VPS13B: variants seen among roughly 807,000 people sequenced by gnomAD.
The protein encoded by VPS13B is intermembrane lipid transfer protein VPS13B.
Under a neutral mutation model 426.4 loss-of-function variants are expected in VPS13B, and 285 were observed. The observed-to-expected ratio is 0.67, with a 90% CI of 0.61 to 0.74. VPS13B has a LOEUF of 0.74. VPS13B is among the 30% of genes least tolerant of loss of function. The pLI is 0.00. For missense variants in VPS13B, 4,537 were observed against 4,782.6 expected, an observed-to-expected ratio of 0.95 and a Z score of 1.51; for synonymous variants, 1,676 against 1,676.4, an observed-to-expected ratio of 1.00 and a Z score of 0.01.
At chr8:99,070,633 A>G (rs913504270) in intron 3 of VPS13B, among the ~76,000 whole-genome samples, 1 of 152,090 alleles carries the variant, frequency 6.6e-6, no homozygotes, top group East Asian at 1.9e-4. Context: ...TATATTATCT[A>G]TAGGTTTCCT....
intron 43 of VPS13B, among the ~76,000 whole-genome samples, chr8:99,785,475 A>G (rs1363937756): frequency 6.6e-6 from 1 of 152,162 alleles, no homozygotes; most frequent in Non-Finnish European, 1.5e-5. Context: ...TCTTATTTAA[A>G]TATATTTAGT....
chr8:99,425,339 C>T lies in VPS13B; in HGVS notation c.3083-6198C>T, dbSNP rs985399788. On this transcript the variant is annotated intron_variant, in intron 21 of 61. Coordinates refer to ENST00000357162, the MANE Select transcript of VPS13B (RefSeq NM_152564.5). The stretch of plus-strand genomic sequence containing the variant: ...CAATAAAATACTGACAAACCAAATC[C>T]AGCAGCACATCACAAAGCTTATCCA... Among the ~76,000 whole-genome samples, 5 of 152,264 alleles carry T rather than the reference C, an allele frequency of 3.3e-5. No individual in the cohort carries two copies. The East Asian group carries it at 9.6e-4, about 29-fold the overall frequency.
rs573082414 is a variant in VPS13B, at chr8:99,825,845, GT to G, written c.9330+1872del. ...ATAGAGAATCCTTTCCTCATTGCTT[GT>G]TTTTGTCAGGTTTGTCAAAGATCAG... On this transcript the variant is annotated intron_variant, in intron 51 of 61. Transcript: ENST00000357162. 2.1e-3 allele frequency among the ~76,000 whole-genome samples: 325 copies of G among 152,238 alleles called. 2 individuals carry two copies. Among genetic ancestry groups the G allele is most frequent in the African/African-American group, 7.5e-3 (310 of 41,544 alleles).
intron 30 of VPS13B, among the ~76,000 whole-genome samples, chr8:99,551,884 T>C (rs112782918): frequency 1.5e-3 from 221 of 152,126 alleles, no homozygotes; most frequent in African/African-American, 5.0e-3. Flanking sequence ...TGGGATACTT[T>C]GGGCTGCCTG....
chr8:99,464,626 A>T (rs1276349053), intron 23 of VPS13B, among the ~76,000 whole-genome samples: 1 of 152,160 alleles, frequency 6.6e-6, no homozygotes, highest in African/African-American at 2.4e-5. Context: ...GCAACATGTG[A>T]TACAATATAA....
At chr8:99,020,620 T>C (rs575480116) in intron 2 of VPS13B, among the ~76,000 whole-genome samples, 2 of 152,228 alleles carry the variant, frequency 1.3e-5, no homozygotes, top group African/African-American at 4.8e-5. Context: ...TCTTACATAG[T>C]ATAAGGTAGT....
At chr8:99,437,445 C>T (rs574951832) in intron 22 of VPS13B, among the ~76,000 whole-genome samples, 3 of 151,308 alleles carry the variant, frequency 2.0e-5, no homozygotes, top group Non-Finnish European at 2.9e-5. Context: ...GGGCCAGGCA[C>T]GGTGGCTCAC....
Position 99,309,665 on chromosome 8 carries a change from G to A in VPS13B, c.2824+34411G>A, listed in dbSNP as rs182228437. Among the ~76,000 whole-genome samples the A allele has an allele frequency of 2.8e-4, 43 of 152,240 alleles. 1 individual carries two copies. The highest frequency in any genetic ancestry group is 2.7e-3 in the Admixed American group (41 of 15,292). On this transcript the variant is annotated intron_variant, in intron 19 of 61. Coordinates refer to ENST00000357162, the MANE Select transcript of VPS13B (RefSeq NM_152564.5). ...GCCAAGGACCGTCTTGGCAATGCGG[G>A]CCCTTTTTTGGTACCATATGAACTT... is the stretch of plus-strand genomic sequence containing the variant.
intron 19 of VPS13B, among the ~76,000 whole-genome samples, chr8:99,325,836 G>GTATC (rs1810229281): frequency 6.6e-6 from 1 of 151,984 alleles, no homozygotes; most frequent in African/African-American, 2.4e-5. Context: ...TTATCCCTTT[G>GTATC]TATCTACATT....
chr8:99,343,076 G>C (rs1206075787), intron 19 of VPS13B, among the ~76,000 whole-genome samples: 2 of 151,362 alleles, frequency 1.3e-5, no homozygotes, highest in Non-Finnish European at 2.9e-5. Flanking sequence ...AAATGTTCAG[G>C]TTTATTGCCC....
intron 17 of VPS13B, among the ~76,000 whole-genome samples, chr8:99,252,372 A>T (rs905176101): frequency 6.6e-6 from 1 of 151,996 alleles, no homozygotes; most frequent in Non-Finnish European, 1.5e-5. Context: ...ACTATTTTTT[A>T]AAAAATTGAT....
chr8:99,541,028 A>G (rs745552791), intron 30 of VPS13B, among the ~76,000 whole-genome samples: 28 of 152,118 alleles, frequency 1.8e-4, no homozygotes, highest in Non-Finnish European at 4.0e-4. Context: ...ACTTTTTTAT[A>G]TGTTGCCTCA....
chr8:99,532,061 A>C lies in VPS13B; in HGVS notation c.4745+11051A>C, dbSNP rs139438802. On this transcript the variant is annotated intron_variant, in intron 30 of 61. Transcript: ENST00000357162. ...AAAGTTTTTTTTAACTTTCATCTTT[A>C]ACTTGAGAGAAGTATATTCTTCTTG... 2.2e-3 allele frequency among the ~76,000 whole-genome samples: 339 copies of C among 152,204 alleles called. 5 individuals are homozygous for C. Among genetic ancestry groups the C allele is most frequent in the Admixed American group, 0.018 (271 of 15,288 alleles).
At chr8:99,451,706 GT>G (rs1415592593) in intron 23 of VPS13B, among the ~76,000 whole-genome samples, 1 of 152,100 alleles carries the variant, frequency 6.6e-6, no homozygotes, top group Admixed American at 6.5e-5. Flanking sequence ...CTGGAACCCT[GT>G]ATGGAACTCT....
At chr8:99,812,837 C>T (rs994902223) in intron 44 of VPS13B, among the ~76,000 whole-genome samples, 4 of 152,142 alleles carry the variant, frequency 2.6e-5, no homozygotes, top group African/African-American at 7.2e-5. Flanking sequence ...TTCAATATCA[C>T]TATTCTTCTT....
intron 19 of VPS13B, among the ~76,000 whole-genome samples, chr8:99,350,289 A>C (rs1811807768): frequency 6.6e-6 from 1 of 152,210 alleles, no homozygotes; most frequent in African/African-American, 2.4e-5. Flanking sequence ...GTTCCGTGTA[A>C]GGTTTCAGGT....
chr8:99,241,235 A>G (rs1190931741), intron 17 of VPS13B: 1 of 152,234 alleles, frequency 6.6e-6, no homozygotes, highest in Non-Finnish European at 1.5e-5. Flanking sequence ...AAAAGCTGCT[A>G]TTAAAAATAT....
chr8:99,369,678 T>A (rs904006816), intron 19 of VPS13B, among the ~76,000 whole-genome samples: 1 of 152,212 alleles, frequency 6.6e-6, no homozygotes, highest in Non-Finnish European at 1.5e-5. Context: ...CAGTTGTTTT[T>A]AGAATATATA....
chr8:99,781,856 A>G (rs186163743), intron 42 of VPS13B, among the ~76,000 whole-genome samples: 170 of 152,294 alleles, frequency 1.1e-3, no homozygotes, highest in African/African-American at 3.9e-3. Context: ...GATTGGAATC[A>G]TATCCCTTTC....
Sources: gnomAD v4.1 joint callset for allele counts (sites outside exome capture counted in the v4.1 genomes callset) on GRCh38, gnomAD v4.1.1 for gene constraint, MANE v1.5 for transcripts, NCBI Gene and HGNC (gene_info 2026-07-23, HGNC 2026-07-21) for gene names.